REV1: variants seen among roughly 807,000 people sequenced by gnomAD.
REV1 encodes translesion synthesis protein REV1.
A neutral mutation model predicts 137.4 loss-of-function variants in REV1; 42 were observed. The observed-to-expected ratio is 0.31, with a 90% CI of 0.24 to 0.40. The LOEUF (loss-of-function observed/expected upper bound fraction) is 0.40. Ranked by LOEUF, REV1 falls within the 10% of genes least tolerant of loss-of-function variation. The probability of loss-of-function intolerance (pLI) is 1.00; values close to 1 mark genes in which losing one functional copy is unlikely to be tolerated. For synonymous variants in REV1, 524 were observed against 519.2 expected (o/e 1.01, Z -0.12); for missense variants, 1,282 against 1,490.1 (o/e 0.86, Z 2.30).
intron 16 of REV1, 38 bp downstream of exon 16, chr2:99,406,287 G>A (rs1362045931): frequency 1.5e-5 from 24 of 1,569,124 alleles, no homozygotes; most frequent in Non-Finnish European, 2.0e-5. Flanking sequence ...AAGGACATAA[G>A]CAGCACCTAA....
At chr2:99,488,807 A>G (rs542837284) in intron 1 of REV1, among the ~76,000 whole-genome samples, 4 of 152,374 alleles carry the variant, frequency 2.6e-5, no homozygotes, top group South Asian at 4.1e-4. Flanking sequence ...CTCGGAGACT[A>G]AAGTGCCAAG....
At chr2:99,407,297 TC>T (rs1221537434) in intron 15 of REV1, among the ~76,000 whole-genome samples, 2 of 151,580 alleles carry the variant, frequency 1.3e-5, no homozygotes, top group African/African-American at 4.8e-5. Flanking sequence ...GTGCCTGTAA[TC>T]CCAGCACTTT....
chr2:99,426,786 G>A (rs576042975), intron 9 of REV1, among the ~76,000 whole-genome samples: 220 of 152,182 alleles, frequency 1.4e-3, no homozygotes, highest in Non-Finnish European at 2.7e-3. Context: ...TTAAGTGTAT[G>A]CTGCAAAAAC....
At chr2:99,443,945 A>T (rs994256841) in intron 4 of REV1, among the ~76,000 whole-genome samples, 1 of 151,692 alleles carries the variant, frequency 6.6e-6, no homozygotes, top group Non-Finnish European at 1.5e-5. Context: ...CAGCTTCCCG[A>T]GTAGCTGGGA....
At chr2:99,451,530 A>G in intron 3 of REV1, 1 of 1,276,228 alleles carries the variant, frequency 7.8e-7, no homozygotes, top group Non-Finnish European at 1.0e-6. Context: ...CACATAAACT[A>G]TGGAATAAGA....
chr2:99,436,984 TTTTTTG>T (rs1191309856), intron 6 of REV1, among the ~76,000 whole-genome samples: 1 of 146,330 alleles, frequency 6.8e-6, no homozygotes, highest in East Asian at 2.0e-4. Flanking sequence ...CCCCAACTTT[TTTTTTG>T]TTTTTTTTTT....
intron 6 of REV1, among the ~76,000 whole-genome samples, chr2:99,436,416 A>G (rs895693383): frequency 2.0e-5 from 3 of 152,174 alleles, no homozygotes; most frequent in African/African-American, 7.2e-5. Context: ...TCCATCTTGT[A>G]GACTAAAAGT....
chr2:99,420,430 C>G (rs1276807560), intron 11 of REV1, among the ~76,000 whole-genome samples: 2 of 152,140 alleles, frequency 1.3e-5, no homozygotes, highest in Admixed American at 1.3e-4. Flanking sequence ...AGCCCAGAGC[C>G]CACCAGAATT....
chr2:99,411,256 C>A (rs1280511454), intron 13 of REV1, among the ~76,000 whole-genome samples: 1 of 151,946 alleles, frequency 6.6e-6, no homozygotes, highest in Non-Finnish European at 1.5e-5. Flanking sequence ...CCACTGCATT[C>A]CAGCCTGGGC....
intron 15 of REV1, among the ~76,000 whole-genome samples, chr2:99,407,699 C>CT (rs1676535151): frequency 6.6e-6 from 1 of 152,090 alleles, no homozygotes; most frequent in African/African-American, 2.4e-5. Context: ...TAAAAAGGAA[C>CT]TTAAAGGTAC....
Position 99,406,102 on chromosome 2 carries a change from A to G in REV1, c.2619T>C (p.Phe873=), listed in dbSNP as rs567061749. The G allele has an allele frequency of 1.4e-4, 230 of 1,609,612 alleles. 1 individual carries two copies. In the East Asian group the frequency reaches 3.9e-3, roughly 27 times the overall value. Reference sequence around the variant, plus strand: ...ATATTTCCAGATCCACAGCAGCCCGAAATACTACAAAAAGAAAATATATAA... The same window carrying G: ...ATATTTCCAGATCCACAGCAGCCCGGAATACTACAAAAAGAAAATATATAA... ...KSTEEEHKEV[F]RAAVDLEISS... Residue 873 remains phenylalanine (F), a synonymous_variant, in exon 17 of 23, where the codon TTT becomes TTC. Coordinates refer to ENST00000258428, the MANE Select transcript of REV1 (RefSeq NM_016316.4).
chr2:99,406,017 G>A lies in REV1; in HGVS notation c.2704C>T (p.Pro902Ser), dbSNP rs28382960. 4.0e-4 allele frequency: 640 copies of A among 1,614,020 alleles called. No homozygotes were observed. The African/African-American group carries it at 6.3e-3, about 16-fold the overall frequency. Residue 902 changes from proline (P) to serine (S), a missense_variant, in exon 17 of 23, where the codon CCT (proline) becomes TCT (serine). By Grantham distance (74) the Pro-to-Ser change is moderately conservative. Around this residue, in one of 7 missense-constraint regions of REV1, gnomAD observed 135 missense variants for 123.3 expected, o/e 1.10. Transcript: ENST00000258428. ...GAAGACTCAGCCTTGTTAGTATCAG[G>A]ACTGGTCGGCAGATGTGCAGGAAAA... Reference protein sequence around the residue: ...PPFPAHLPTSPDTNKAESSGK... With the variant: ...PPFPAHLPTSSDTNKAESSGK...
Position 99,401,165 on chromosome 2 carries a change from C to T in REV1, c.*76G>A. The T allele has an allele frequency of 1.3e-6, 1 of 785,730 alleles. No individual in the cohort carries two copies. The highest frequency in any genetic ancestry group is 1.9e-5 in the South Asian group (1 of 53,410). 48.7% of individuals were successfully genotyped at this position (785,730 alleles called of 1,614,324 possible). On this transcript the variant is annotated 3_prime_UTR_variant, in exon 23 of 23. Coordinates refer to ENST00000258428, the MANE Select transcript of REV1 (RefSeq NM_016316.4). ...AAAATTATAAAAACTCCGAGCATTA[C>T]TATCATGCACTTTGCAAATACCTCA...
At position 99,404,447 on chromosome 2, in the gene REV1, T is replaced by G; in HGVS notation, c.3042A>C (p.Ser1014=). Residue 1014 remains serine, a synonymous_variant, in exon 18 of 23, where the codon TCA becomes TCC. Coordinates refer to ENST00000258428, the MANE Select transcript of REV1 (RefSeq NM_016316.4). The part of the protein sequence containing the change: ...GINLIALPAF[S]QVDPEVFAAL... ...AGGGTTCCCATATTTAACTTACCTGTGAAAATGCTGGAAGGGCTATTAAAT... is the reference window on the plus strand; with the variant it reads ...AGGGTTCCCATATTTAACTTACCTGGGAAAATGCTGGAAGGGCTATTAAAT... 6.2e-7 allele frequency: 1 copy of G among 1,613,360 alleles called. No individual in the cohort carries two copies. The highest frequency in any genetic ancestry group is 1.1e-5 in the South Asian group (1 of 91,020).
At position 99,429,848 on chromosome 2, in the gene REV1, A is replaced by G. The variant is rs1203072497; in HGVS notation, c.1539T>C (p.Tyr513=). The stretch of plus-strand genomic sequence containing the variant: ...ACACAACTTCTACATACCTGGCCTC[A>G]TAACTACAAGATGCAATTTCAGCCC... ...LSRAEIASCS[Y]EARQLGIKNG... Residue 513 remains tyrosine (Y), a synonymous_variant, in exon 9 of 23, where the codon TAT becomes TAC. Coordinates refer to ENST00000258428, the MANE Select transcript of REV1 (RefSeq NM_016316.4). 4 of 1,589,304 alleles carry G rather than the reference A, an allele frequency of 2.5e-6. No individual in the cohort carries two copies. Among genetic ancestry groups the G allele is most frequent in the East Asian group, 4.5e-5 (2 of 44,196 alleles).
At chr2:99,425,051 A>G (rs1679162537) in intron 9 of REV1, among the ~76,000 whole-genome samples, 1 of 152,244 alleles carries the variant, frequency 6.6e-6, no homozygotes, top group Admixed American at 6.5e-5. Flanking sequence ...AAGAAAAAAA[A>G]TTATAGTAAA....
chr2:99,406,398 A>G lies in REV1; in HGVS notation c.2541T>C (p.Ser847=). The change falls in exon 16 of 23, where the codon AGT becomes AGC. Residue 847 remains serine (S), a synonymous_variant. Coordinates refer to ENST00000258428, the MANE Select transcript of REV1 (RefSeq NM_016316.4). ...RPSVQSSHFP[S]GSYSVRDVFQ... is the part of the protein sequence containing the mutation. ...AGACATCACGGACAGAGTATGACCC[A>G]CTAGGAAAGTGGCTTGACTGAACTG... The G allele has an allele frequency of 1.2e-6, 2 of 1,613,966 alleles. No homozygotes were observed. The highest frequency in any genetic ancestry group is 4.5e-5 in the East Asian group (2 of 44,878).
chr2:99,487,638 T>TAA (rs566094023), intron 1 of REV1, among the ~76,000 whole-genome samples: 2,403 of 117,416 alleles, frequency 0.02, 655 homozygotes, highest in African/African-American at 0.069. Flanking sequence ...GCTATTATAG[T>TAA]AAAAAAAAAC....
Position 99,408,013 on chromosome 2 carries a change from G to GT in REV1, c.2448+15dup. 1 of 1,429,052 alleles carries GT rather than the reference G, an allele frequency of 7.0e-7. No individual in the cohort carries two copies. The highest frequency in any genetic ancestry group is 1.3e-5 in the South Asian group (1 of 76,666). 88.5% of individuals were successfully genotyped at this position (1,429,052 alleles called of 1,614,324 possible). A position where few individuals can be genotyped will look rare whatever the true frequency, so the allele number is the denominator to read the frequency against. On this transcript the variant is annotated intron_variant, in intron 15 of 22. Transcript: ENST00000258428. ...ATTACACAAAGTCAGAATTTACAAT[G>GT]TTACTATATACTTACCCCTCTCATA... is the stretch of plus-strand genomic sequence containing the variant.
Sources: allele counts gnomAD v4.1 joint callset (sites outside exome capture counted in the v4.1 genomes callset), GRCh38; gene constraint gnomAD v4.1.1; regional missense constraint gnomAD v4.1.1; transcripts MANE v1.5; gene names NCBI Gene and HGNC (gene_info 2026-07-23, HGNC 2026-07-21).